DCC: variants seen among roughly 807,000 people sequenced by gnomAD.
DCC encodes the protein DCC netrin 1 receptor, also known as netrin receptor DCC.
A neutral mutation model predicts 172.5 loss-of-function variants in DCC; 58 were observed. The ratio of observed to expected loss-of-function variants is 0.34; its 90% CI spans 0.27 to 0.42. The LOEUF is 0.42. Ranked by LOEUF, DCC falls within the 10% of genes least tolerant of loss-of-function variation. The probability of loss-of-function intolerance (pLI) is 1.00; values close to 1 mark genes in which losing one functional copy is unlikely to be tolerated. For synonymous variants in DCC, 709 were observed against 644.5 expected (o/e 1.10, Z -1.52); for missense variants, 1,740 against 1,791.0 (o/e 0.97, Z 0.51).
chr18:52,564,234 G>T (rs143069358), intron 1 of DCC, among the ~76,000 whole-genome samples: 76 of 152,220 alleles, frequency 5.0e-4, no homozygotes, highest in Middle Eastern at 3.4e-3. Context: ...GTCTATGAGA[G>T]AATAGATTCT....
At chr18:52,616,145 A>G (rs1212189710) in intron 1 of DCC, among the ~76,000 whole-genome samples, 1 of 152,178 alleles carries the variant, frequency 6.6e-6, no homozygotes, top group Non-Finnish European at 1.5e-5. Flanking sequence ...AACTCTCAGC[A>G]TTATTTGGAT....
intron 1 of DCC, among the ~76,000 whole-genome samples, chr18:52,500,798 C>T (rs1476541316): frequency 2.0e-5 from 3 of 151,946 alleles, no homozygotes; most frequent in Non-Finnish European, 2.9e-5. Flanking sequence ...AGGATAACAA[C>T]ATTTCTGCAT....
In DCC at chr18:53,083,093, C is replaced by A. The variant is rs2042829209; in HGVS notation, c.1261+16927C>A. ...TTATTGGCCAGAACAAACAAAAAAA[C>A]AACATAATCATCAAAACATCTATTA... On this transcript the variant is annotated intron_variant, in intron 7 of 28. Coordinates refer to ENST00000442544, the MANE Select transcript of DCC (RefSeq NM_005215.4). Among the ~76,000 whole-genome samples, 3 of 152,080 alleles carry A rather than the reference C, an allele frequency of 2.0e-5. No homozygotes were observed. In the South Asian group the frequency reaches 6.2e-4, roughly 32 times the overall value.
At chr18:52,975,365 T>A (rs2041099995) in intron 5 of DCC, among the ~76,000 whole-genome samples, 1 of 152,340 alleles carries the variant, frequency 6.6e-6, no homozygotes, top group Non-Finnish European at 1.5e-5. Flanking sequence ...ACTCTTTTTT[T>A]AACTTTTATT....
At chr18:52,425,700 G>T (rs1269344514) in intron 1 of DCC, among the ~76,000 whole-genome samples, 2 of 152,066 alleles carry the variant, frequency 1.3e-5, no homozygotes, top group African/African-American at 4.8e-5. Flanking sequence ...GGGACTTGGA[G>T]GATTCTTCCC....
intron 1 of DCC, among the ~76,000 whole-genome samples, chr18:52,480,389 G>A (rs2029910229): frequency 6.6e-6 from 1 of 151,744 alleles, no homozygotes; most frequent in Non-Finnish European, 1.5e-5. Flanking sequence ...TATACCCCTA[G>A]AACATACGTT....
At chr18:52,367,759 TTGAA>T (rs1984944387) in intron 1 of DCC, among the ~76,000 whole-genome samples, 1 of 152,166 alleles carries the variant, frequency 6.6e-6, no homozygotes, top group Non-Finnish European at 1.5e-5. Flanking sequence ...AAGCAGTCCT[TTGAA>T]TGAGAATAAG....
At chr18:52,587,768 G>C (rs1306458348) in intron 1 of DCC, among the ~76,000 whole-genome samples, 4 of 152,168 alleles carry the variant, frequency 2.6e-5, no homozygotes, top group Non-Finnish European at 5.9e-5. Flanking sequence ...GGTGGTGCCT[G>C]TGTGTCGTGC....
At chr18:52,687,943 C>T (rs1232218605) in intron 1 of DCC, among the ~76,000 whole-genome samples, 4 of 152,070 alleles carry the variant, frequency 2.6e-5, no homozygotes, top group Non-Finnish European at 5.9e-5. Context: ...TTGTCTTTGA[C>T]TGTTCTTTCT....
At chr18:53,346,765 G>T (rs572601870) in intron 15 of DCC, among the ~76,000 whole-genome samples, 1 of 152,020 alleles carries the variant, frequency 6.6e-6, no homozygotes. Context: ...TGCACCATTT[G>T]GGTTGGGCAT....
intron 2 of DCC, among the ~76,000 whole-genome samples, chr18:52,783,045 A>C (rs572905378): frequency 1.3e-4 from 20 of 152,220 alleles, no homozygotes; most frequent in African/African-American, 4.1e-4. Flanking sequence ...CCAGTGTGTT[A>C]GATGTTTCTA....
In DCC at chr18:53,036,778, G is replaced by C. The variant is rs112140289; in HGVS notation, c.986-26527G>C. 1.6e-3 allele frequency among the ~76,000 whole-genome samples: 245 copies of C among 152,124 alleles called. 1 individual carries two copies. The highest frequency in any genetic ancestry group is 2.5e-3 in the Non-Finnish European group (171 of 67,952). On this transcript the variant is annotated intron_variant, in intron 5 of 28. Coordinates refer to ENST00000442544, the MANE Select transcript of DCC (RefSeq NM_005215.4). The stretch of plus-strand genomic sequence containing the variant: ...AGCAGAAATTGAAATGGAAAAGGAA[G>C]TGTTCAGAGTAGTTGGTGTAAGCAA...
At chr18:52,501,435 G>A (rs10502947) in intron 1 of DCC, among the ~76,000 whole-genome samples, 8,782 of 152,154 alleles carry the variant, frequency 0.058, 306 homozygotes, top group South Asian at 0.12. Flanking sequence ...ATGCCTTTAC[G>A]TTGTCTCTCT....
chr18:53,505,664 C>T (rs1002740663), intron 27 of DCC, among the ~76,000 whole-genome samples: 1 of 152,126 alleles, frequency 6.6e-6, no homozygotes, highest in African/African-American at 2.4e-5. Flanking sequence ...TCCAGATAAT[C>T]GTAAGAGAAA....
chr18:53,233,270 A>G (rs960490474), intron 12 of DCC, among the ~76,000 whole-genome samples: 10 of 152,172 alleles, frequency 6.6e-5, no homozygotes, highest in Non-Finnish European at 5.9e-5. Context: ...ATTCACCTGT[A>G]GTGTCCTCCC....
At chr18:53,367,613 C>T (rs2058020283) in intron 15 of DCC, among the ~76,000 whole-genome samples, 1 of 152,106 alleles carries the variant, frequency 6.6e-6, no homozygotes, top group Non-Finnish European at 1.5e-5. Context: ...TCGAACCGTA[C>T]ATCTCTAGAA....
chr18:53,343,805 G>C (rs1245887860), intron 15 of DCC, among the ~76,000 whole-genome samples: 1 of 151,822 alleles, frequency 6.6e-6, no homozygotes, highest in African/African-American at 2.4e-5. Context: ...TTATAGGAAG[G>C]CTTTGATAAT....
chr18:53,110,029 A>T (rs2043307461), intron 7 of DCC, among the ~76,000 whole-genome samples: 1 of 151,714 alleles, frequency 6.6e-6, no homozygotes, highest in Non-Finnish European at 1.5e-5. Context: ...TGCTCATTTC[A>T]TAGAAGTCCT....
rs184308830 is a variant in DCC at position 52,351,316 on chromosome 18, T to C, written c.91+10438T>C. 5.7e-4 allele frequency among the ~76,000 whole-genome samples: 87 copies of C among 152,326 alleles called. No individual in the cohort carries two copies. The East Asian group carries it at 0.015, about 26-fold the overall frequency. ...TTCTCTCTCTCCAGTAGTAGCTACT[T>C]GTACTTGGTAGATATTGACTGAATA... is the stretch of plus-strand genomic sequence containing the variant. On this transcript the variant is annotated intron_variant, in intron 1 of 28. Transcript: ENST00000442544.
Sources: gnomAD v4.1 joint callset for allele counts (sites outside exome capture counted in the v4.1 genomes callset) on GRCh38, gnomAD v4.1.1 for gene constraint, MANE v1.5 for transcripts, NCBI Gene and HGNC (gene_info 2026-07-23, HGNC 2026-07-21) for gene names.